PPP6R3: variants seen among roughly 807,000 people sequenced by gnomAD.
The protein encoded by PPP6R3 is serine/threonine-protein phosphatase 6 regulatory subunit 3.
Under a neutral mutation model 110.7 loss-of-function variants are expected in PPP6R3, and 38 were observed. The observed-to-expected ratio is 0.34, with a 90% CI of 0.26 to 0.45. PPP6R3 has a LOEUF of 0.45. Among genes scored for constraint, PPP6R3 ranks in the 20% least tolerant of loss-of-function variants. PPP6R3 has a pLI of 1.00. For synonymous variants in PPP6R3, 369 were observed against 373.5 expected (o/e 0.99, Z 0.14); for missense variants, 870 against 1,062.4 (o/e 0.82, Z 2.52).
chr11:68,475,748 C>T lies in PPP6R3; in HGVS notation c.-158+14921C>T, dbSNP rs544741899. 2.6e-4 allele frequency among the ~76,000 whole-genome samples: 37 copies of T among 142,806 alleles called. No individual in the cohort carries two copies. In the East Asian group the frequency reaches 5.2e-3, roughly 20 times the overall value. 93.7% of individuals were successfully genotyped at this position (142,806 alleles called of 152,430 possible). ...GACGCTCCTCACTTCTCAGACGGGGCGGCTGCCGGGCGGAGGGGCTCCTCA... is the reference window on the plus strand; with the variant it reads ...GACGCTCCTCACTTCTCAGACGGGGTGGCTGCCGGGCGGAGGGGCTCCTCA... On this transcript the variant is annotated intron_variant, in intron 1 of 23. Coordinates refer to ENST00000393800, the MANE Select transcript of PPP6R3 (RefSeq NM_001164161.2).
At chr11:68,481,755 C>T (rs187813465) in intron 1 of PPP6R3, among the ~76,000 whole-genome samples, 4 of 152,306 alleles carry the variant, frequency 2.6e-5, no homozygotes, top group East Asian at 3.9e-4. Context: ...AGCAGCCTGC[C>T]GTGCTTACTC....
intron 1 of PPP6R3, among the ~76,000 whole-genome samples, chr11:68,499,454 G>A (rs957632363): frequency 1.3e-5 from 2 of 152,142 alleles, no homozygotes; most frequent in African/African-American, 4.8e-5. Context: ...TTCCCACTGA[G>A]AGAGTGATTC....
At position 68,511,463 on chromosome 11, in the gene PPP6R3, A is replaced by AGAGTGTGTGTGTGTGTGT. The variant is rs1555082964; in HGVS notation, c.-157-8037_-157-8036insAGTGTGTGTGTGTGTGTG. Among the ~76,000 whole-genome samples the AGAGTGTGTGTGTGTGTGT allele has an allele frequency of 5.0e-4, 69 of 138,606 alleles. 1 individual carries two copies. The highest frequency in any genetic ancestry group is 8.1e-4 in the Non-Finnish European group (52 of 64,056). 90.9% of individuals were successfully genotyped at this position (138,606 alleles called of 152,430 possible). A position where few individuals can be genotyped will look rare whatever the true frequency, so the allele number is the denominator to read the frequency against. On this transcript the variant is annotated intron_variant, in intron 1 of 23. Coordinates refer to ENST00000393800, the MANE Select transcript of PPP6R3 (RefSeq NM_001164161.2). ...CTCTGGAAATGTGTTACTGTGTTAGAGTGTGTGTGTGTGTGTGTGTGTGTG... is the reference window on the plus strand; with the variant it reads ...CTCTGGAAATGTGTTACTGTGTTAGAGAGTGTGTGTGTGTGTGTGTGTGTGTGTGTGTGTGTGTGTGTG...
At chr11:68,539,671 A>G (rs72936570) in intron 3 of PPP6R3, among the ~76,000 whole-genome samples, 16,084 of 152,258 alleles carry the variant, frequency 0.11, 1,085 homozygotes, top group Admixed American at 0.15. Context: ...ATGGTTGACT[A>G]CAGTCATTTA....
intron 1 of PPP6R3, among the ~76,000 whole-genome samples, chr11:68,510,938 T>G (rs1157132750): frequency 6.6e-6 from 1 of 152,198 alleles, no homozygotes; most frequent in African/African-American, 2.4e-5. Flanking sequence ...CTCTCTCTTC[T>G]CTCCTTTACT....
intron 1 of PPP6R3, among the ~76,000 whole-genome samples, chr11:68,509,213 C>G (rs2099095013): frequency 1.3e-5 from 2 of 152,194 alleles, no homozygotes; most frequent in Admixed American, 6.5e-5. Context: ...TAGGGAGAAC[C>G]TTTCATCATC....
Position 68,613,305 on chromosome 11 carries a change from A to T in PPP6R3, c.*188A>T, listed in dbSNP as rs1281786237. The stretch of plus-strand genomic sequence containing the variant: ...AAATTCAGAAGTGTAAAAATATTGC[A>T]CATTGACAAATACCAAGAATTTTTG... On this transcript the variant is annotated 3_prime_UTR_variant, in exon 24 of 24. Coordinates refer to ENST00000393800, the MANE Select transcript of PPP6R3 (RefSeq NM_001164161.2). The T allele has an allele frequency of 1.1e-5, 15 of 1,339,138 alleles. No homozygotes were observed. Among genetic ancestry groups the T allele is most frequent in the African/African-American group, 4.5e-5 (3 of 66,868 alleles). 83.0% of individuals were successfully genotyped at this position (1,339,138 alleles called of 1,614,324 possible). A position where few individuals can be genotyped will look rare whatever the true frequency, so the allele number is the denominator to read the frequency against.
chr11:68,561,037 C>T (rs1325799009), intron 8 of PPP6R3, among the ~76,000 whole-genome samples: 1 of 151,202 alleles, frequency 6.6e-6, no homozygotes, highest in Non-Finnish European at 1.5e-5. Flanking sequence ...GCTGGGACTA[C>T]AGGCGCCCGC....
chr11:68,549,818 T>G (rs1035380192), intron 5 of PPP6R3, among the ~76,000 whole-genome samples: 1 of 152,132 alleles, frequency 6.6e-6, no homozygotes, highest in African/African-American at 2.4e-5. Context: ...AAGGTGTAGG[T>G]TGGGGAAAGG....
In PPP6R3 at chr11:68,569,352, T is replaced by C. The variant is rs925566118; in HGVS notation, c.1129-396T>C. ...GCCTGAAACCACAGCTATCGAACCCTATATATACTATGTGTTTTTCCTATA... is the reference window on the plus strand; with the variant it reads ...GCCTGAAACCACAGCTATCGAACCCCATATATACTATGTGTTTTTCCTATA... On this transcript the variant is annotated intron_variant, in intron 10 of 23. Transcript: ENST00000393800. Among the ~76,000 whole-genome samples, 27 of 152,308 alleles carry C rather than the reference T, an allele frequency of 1.8e-4. No individual in the cohort carries two copies. The Middle Eastern group carries it at 0.01, about 58-fold the overall frequency.
At chr11:68,475,334 CA>C (rs1349820321) in intron 1 of PPP6R3, among the ~76,000 whole-genome samples, 3 of 152,330 alleles carry the variant, frequency 2.0e-5, no homozygotes, top group African/African-American at 7.2e-5. Context: ...GAGACAGCAA[CA>C]ATCTGATTTC....
intron 8 of PPP6R3, among the ~76,000 whole-genome samples, chr11:68,560,651 T>C (rs2099415479): frequency 6.6e-6 from 1 of 152,204 alleles, no homozygotes; most frequent in Non-Finnish European, 1.5e-5. Context: ...CAGAATACAG[T>C]AGAGGGAACT....
intron 1 of PPP6R3, among the ~76,000 whole-genome samples, chr11:68,512,434 G>C (rs989637933): frequency 6.6e-6 from 1 of 152,192 alleles, no homozygotes; most frequent in African/African-American, 2.4e-5. Flanking sequence ...AATCCTTAAA[G>C]ATCATAATCT....
At chr11:68,492,615 C>T (rs2098990849) in intron 1 of PPP6R3, among the ~76,000 whole-genome samples, 1 of 152,170 alleles carries the variant, frequency 6.6e-6, no homozygotes, top group Admixed American at 6.5e-5. Flanking sequence ...GCTCTCAGGT[C>T]TTTAGGGTAT....
intron 8 of PPP6R3, among the ~76,000 whole-genome samples, chr11:68,563,101 A>G (rs1353356234): frequency 2.9e-5 from 4 of 138,454 alleles, no homozygotes; most frequent in African/African-American, 1.1e-4. Flanking sequence ...CCCCATCTCT[A>G]CCGAAAAAAA....
chr11:68,496,230 A>G (rs578208920), intron 1 of PPP6R3, among the ~76,000 whole-genome samples: 11 of 150,206 alleles, frequency 7.3e-5, no homozygotes, highest in Admixed American at 1.3e-4. Flanking sequence ...TACGTTGTCC[A>G]GGCTGGTCTT....
chr11:68,528,369 C>T (rs1033555759), intron 2 of PPP6R3, among the ~76,000 whole-genome samples: 4 of 149,960 alleles, frequency 2.7e-5, no homozygotes, highest in Admixed American at 6.7e-5. Flanking sequence ...TTTGTATTAC[C>T]CTCTTCTCTA....
intron 1 of PPP6R3, among the ~76,000 whole-genome samples, chr11:68,465,088 G>C (rs1460604715): frequency 6.6e-6 from 1 of 152,036 alleles, no homozygotes; most frequent in Non-Finnish European, 1.5e-5. Context: ...CACCATGTGG[G>C]CCAGGCTGGT....
At chr11:68,482,483 T>C (rs1423061916) in intron 1 of PPP6R3, among the ~76,000 whole-genome samples, 1 of 152,082 alleles carries the variant, frequency 6.6e-6, no homozygotes, top group Non-Finnish European at 1.5e-5. Flanking sequence ...GTGGAGTGTT[T>C]TGTTTTTGCA....
Sources: gnomAD v4.1 joint callset for allele counts (sites outside exome capture counted in the v4.1 genomes callset) on GRCh38, gnomAD v4.1.1 for gene constraint, MANE v1.5 for transcripts, NCBI Gene and HGNC (gene_info 2026-07-23, HGNC 2026-07-21) for gene names.